The following DLC1 variants were observed in gnomAD, a reference collection of about 807,000 sequenced individuals.
The protein encoded by DLC1 is DLC1 Rho GTPase activating protein.
In DLC1, 54 loss-of-function variants were observed where a neutral mutation model predicts 140.3. That is an observed-to-expected ratio of 0.38 (90% CI 0.31 to 0.48). DLC1 has a LOEUF of 0.48. DLC1 is among the 20% of genes least tolerant of loss of function. The pLI is 0.96. For synonymous variants in DLC1, 986 were observed against 728.1 expected (o/e 1.35, Z -5.70); for missense variants, 2,536 against 1,907.0 (o/e 1.33, Z -6.14).
intron 4 of DLC1, among the ~76,000 whole-genome samples, chr8:13,306,663 A>T (rs1832448863): frequency 6.6e-6 from 1 of 152,050 alleles, no homozygotes; most frequent in South Asian, 2.1e-4. Flanking sequence ...TCATTTCGAG[A>T]AATAGCAAAT....
chr8:13,581,992 G>C (rs938333456), intron 1 of DLC1, among the ~76,000 whole-genome samples: 4 of 152,152 alleles, frequency 2.6e-5, no homozygotes, highest in African/African-American at 9.7e-5. Context: ...GGTGTGTGAA[G>C]AGGGTAGGAT....
chr8:13,512,217 C>G (rs1345253340), intron 1 of DLC1, among the ~76,000 whole-genome samples: 1 of 151,874 alleles, frequency 6.6e-6, no homozygotes, highest in South Asian at 2.1e-4. Context: ...CATCAGGAAA[C>G]TCAATCTGGT....
rs776850097 is a variant in DLC1 at position 13,091,438 on chromosome 8, T to C, written c.3741-6A>G. The C allele has an allele frequency of 7.5e-6, 12 of 1,609,918 alleles. No homozygotes were observed. In the African/African-American group the frequency reaches 1.2e-4, roughly 16 times the overall value. ...TTTGTTTTCTTTGCATTACCCTAGG[T>C]AGAAGAAATACAGGAGGGGAACAGT... On this transcript the variant is annotated splice_polypyrimidine_tract_variant and splice_region_variant and intron_variant, in intron 13 of 17. Coordinates refer to ENST00000276297, the MANE Select transcript of DLC1 (RefSeq NM_182643.3).
At chr8:13,410,111 T>C (rs1276833526) in intron 2 of DLC1, among the ~76,000 whole-genome samples, 2 of 151,896 alleles carry the variant, frequency 1.3e-5, no homozygotes, top group African/African-American at 2.4e-5. Context: ...CAAGTAAATA[T>C]CAAAAAGGGC....
intron 4 of DLC1, among the ~76,000 whole-genome samples, chr8:13,348,025 C>T (rs1319323652): frequency 6.6e-6 from 1 of 152,090 alleles, no homozygotes; most frequent in Non-Finnish European, 1.5e-5. Flanking sequence ...GGAGACATAG[C>T]TTGCAGTCAG....
chr8:13,397,923 G>A, intron 3 of DLC1, among the ~76,000 whole-genome samples: 1 of 151,992 alleles, frequency 6.6e-6, no homozygotes, highest in Non-Finnish European at 1.5e-5. Flanking sequence ...ACGAGGTGAG[G>A]AGATCGAGAC....
In DLC1 at chr8:13,251,153, C is replaced by A. The variant is rs534355576; in HGVS notation, c.1348+54116G>T. Among the ~76,000 whole-genome samples, 88 of 152,334 alleles carry A rather than the reference C, an allele frequency of 5.8e-4. 1 individual carries two copies. Among genetic ancestry groups the A allele is most frequent in the Non-Finnish European group, 4.7e-4 (32 of 68,032 alleles). Reference sequence around the variant, plus strand: ...GTGCACTCTCCTACTGGCTCTTTCTCTTCTTGTGAGGACACTATTCTTATT... The same window carrying A: ...GTGCACTCTCCTACTGGCTCTTTCTATTCTTGTGAGGACACTATTCTTATT... On this transcript the variant is annotated intron_variant, in intron 5 of 17. Coordinates refer to ENST00000276297, the MANE Select transcript of DLC1 (RefSeq NM_182643.3).
chr8:13,189,158 C>T (rs748131811), intron 5 of DLC1, among the ~76,000 whole-genome samples: 2 of 151,972 alleles, frequency 1.3e-5, no homozygotes, highest in Non-Finnish European at 2.9e-5. Context: ...ACTCTCTCTG[C>T]GGAAAGCTTT....
intron 6 of DLC1, 28 bp downstream of exon 6, chr8:13,115,558 C>A (rs777045556): frequency 1.1e-5 from 17 of 1,604,190 alleles, no homozygotes; most frequent in Non-Finnish European, 1.4e-5. Flanking sequence ...ATTATGCCAA[C>A]TTTTAAAAAG....
At chr8:13,431,035 A>G (rs1452275407) in intron 2 of DLC1, among the ~76,000 whole-genome samples, 1 of 152,226 alleles carries the variant, frequency 6.6e-6, no homozygotes, top group Non-Finnish European at 1.5e-5. Context: ...CTTCCATGTC[A>G]GTCAACTGAG....
intron 1 of DLC1, among the ~76,000 whole-genome samples, chr8:13,601,342 G>T (rs966116560): frequency 6.6e-6 from 1 of 151,760 alleles, no homozygotes; most frequent in South Asian, 2.1e-4. Flanking sequence ...ATAGGGCCCT[G>T]TCTGAGAAAA....
intron 1 of DLC1, among the ~76,000 whole-genome samples, chr8:13,580,926 A>G (rs1483351013): frequency 1.3e-5 from 2 of 152,196 alleles, no homozygotes; most frequent in Non-Finnish European, 2.9e-5. Context: ...GCTCCCCAGC[A>G]TGAACTGAGT....
At chr8:13,110,707 T>C (rs774716570) in intron 7 of DLC1, 35 bp downstream of exon 7, 1 of 1,587,454 alleles carries the variant, frequency 6.3e-7, no homozygotes, top group South Asian at 1.1e-5. Flanking sequence ...TCTTAAAAAA[T>C]AAAAAAGGAA....
chr8:13,140,679 TA>T (rs1822914255), intron 5 of DLC1, among the ~76,000 whole-genome samples: 1 of 152,186 alleles, frequency 6.6e-6, no homozygotes, highest in Non-Finnish European at 1.5e-5. Flanking sequence ...TAATTTATGA[TA>T]AAAATTAACA....
intron 7 of DLC1, among the ~76,000 whole-genome samples, chr8:13,103,135 C>T (rs550245434): frequency 4.6e-4 from 70 of 151,724 alleles, no homozygotes; most frequent in South Asian, 1.0e-3. Context: ...ACGGTGAAAC[C>T]CCGTCTCTAC....
chr8:13,505,212 A>G (rs912088089), intron 1 of DLC1, among the ~76,000 whole-genome samples: 10 of 152,248 alleles, frequency 6.6e-5, no homozygotes, highest in African/African-American at 2.4e-4. Context: ...TAAACATTAA[A>G]TTAACCAAAA....
At chr8:13,544,038 G>C (rs11784728) in intron 1 of DLC1, among the ~76,000 whole-genome samples, 79,422 of 151,778 alleles carry the variant, frequency 0.52, 21,008 homozygotes, top group Admixed American at 0.61. Context: ...TGAACAATTT[G>C]ATTAAAAATA....
chr8:13,345,193 T>C (rs1834271671), intron 4 of DLC1, among the ~76,000 whole-genome samples: 1 of 152,164 alleles, frequency 6.6e-6, no homozygotes, highest in Non-Finnish European at 1.5e-5. Flanking sequence ...GAATTCTATA[T>C]GAGGAATATA....
At chr8:13,150,617 G>T (rs1823735812) in intron 5 of DLC1, among the ~76,000 whole-genome samples, 1 of 152,200 alleles carries the variant, frequency 6.6e-6, no homozygotes, top group African/African-American at 2.4e-5. Flanking sequence ...TTCCTCCTTT[G>T]CAGGAAACCA....
Sources: gnomAD v4.1 joint callset for allele counts (sites outside exome capture counted in the v4.1 genomes callset) on GRCh38, gnomAD v4.1.1 for gene constraint, MANE v1.5 for transcripts, NCBI Gene and HGNC (gene_info 2026-07-23, HGNC 2026-07-21) for gene names.